ERC2: variants seen among roughly 807,000 people sequenced by gnomAD.
ERC2 encodes the protein ERC protein 2.
In ERC2, 42 loss-of-function variants were observed where a neutral mutation model predicts 114.8. The ratio of observed to expected loss-of-function variants is 0.37; its 90% CI spans 0.29 to 0.47. The LOEUF is 0.47. Ranked by LOEUF, ERC2 falls within the 20% of genes least tolerant of loss-of-function variation. The pLI is 0.99. For missense variants in ERC2, 939 were observed against 1,150.7 expected, an observed-to-expected ratio of 0.82 and a Z score of 2.66; for synonymous variants, 454 against 425.5, an observed-to-expected ratio of 1.07 and a Z score of -0.82.
chr3:56,061,429 A>G lies in ERC2; in HGVS notation c.1641+19388T>C, dbSNP rs931298073. 2.0e-5 allele frequency among the ~76,000 whole-genome samples: 3 copies of G among 152,200 alleles called. No individual in the cohort carries two copies. The South Asian group carries it at 6.2e-4, about 32-fold the overall frequency. On this transcript the variant is annotated intron_variant, in intron 7 of 17. Coordinates refer to ENST00000288221, the MANE Select transcript of ERC2 (RefSeq NM_015576.3). ...TGCTGACACTGCAATTGGGAGACTT[A>G]TCTAACCAAACTAGTTTGTCAGCTA...
intron 3 of ERC2, among the ~76,000 whole-genome samples, chr3:56,195,582 C>G (rs2048052324): frequency 6.6e-6 from 1 of 151,890 alleles, no homozygotes; most frequent in African/African-American, 2.4e-5. Flanking sequence ...GTAATCCCAG[C>G]ACTTTGGGGA....
intron 14 of ERC2, among the ~76,000 whole-genome samples, chr3:55,759,983 T>G (rs996853153): frequency 1.3e-5 from 2 of 152,162 alleles, no homozygotes; most frequent in Non-Finnish European, 2.9e-5. Flanking sequence ...CTATTGGGCT[T>G]AACCTTTTTT....
intron 5 of ERC2, among the ~76,000 whole-genome samples, chr3:56,145,024 A>G (rs1236014457): frequency 6.6e-6 from 1 of 152,210 alleles, no homozygotes; most frequent in Non-Finnish European, 1.5e-5. Context: ...GCTTTATATG[A>G]AGTCCATGTG....
intron 2 of ERC2, among the ~76,000 whole-genome samples, chr3:56,312,026 G>A (rs1331012437): frequency 6.6e-6 from 1 of 152,156 alleles, no homozygotes; most frequent in Non-Finnish European, 1.5e-5. Context: ...GTGTTAGGTA[G>A]TATAAGTAAT....
intron 11 of ERC2, among the ~76,000 whole-genome samples, chr3:55,990,358 C>T (rs2070967028): frequency 6.6e-6 from 1 of 152,038 alleles, no homozygotes; most frequent in Admixed American, 6.5e-5. Context: ...TTTGAATGTA[C>T]CAAATATTAT....
intron 13 of ERC2, among the ~76,000 whole-genome samples, chr3:55,942,576 C>T (rs2066881854): frequency 2.0e-5 from 3 of 151,844 alleles, no homozygotes; most frequent in Admixed American, 2.0e-4. Flanking sequence ...GGATTACAGG[C>T]GTGAGCCACC....
chr3:55,838,607 C>T (rs1342062279), intron 14 of ERC2, among the ~76,000 whole-genome samples: 1 of 151,746 alleles, frequency 6.6e-6, no homozygotes, highest in Non-Finnish European at 1.5e-5. Context: ...CAAGAAAGGT[C>T]TATCAATCAA....
At chr3:55,832,805 A>G (rs1025037490) in intron 14 of ERC2, among the ~76,000 whole-genome samples, 1 of 152,154 alleles carries the variant, frequency 6.6e-6, no homozygotes, top group African/African-American at 2.4e-5. Context: ...CGATCAAACT[A>G]CTCTGAGCTA....
intron 2 of ERC2, among the ~76,000 whole-genome samples, chr3:56,411,639 T>G (rs78404951): frequency 3.9e-4 from 60 of 152,224 alleles, no homozygotes; most frequent in African/African-American, 1.4e-3. Flanking sequence ...TTCTCAGCAC[T>G]CTATATACAG....
chr3:56,083,439 C>T (rs28660486), intron 6 of ERC2, among the ~76,000 whole-genome samples: 26,784 of 152,068 alleles, frequency 0.18, 2,493 homozygotes, highest in African/African-American at 0.23. Context: ...GGGTGTTTTT[C>T]TGTTCTCTAA....
rs182491071 is a variant in ERC2 at position 55,644,964 on chromosome 3, A to G, written c.*39+38830T>C. ...TATTGCTCACTACCCATAATTCAGC[A>G]TATCTATGCAGTGGTCATCTAGCGT... On this transcript the variant is annotated intron_variant, in intron 17 of 17. Transcript: ENST00000288221. Among the ~76,000 whole-genome samples the G allele has an allele frequency of 1.5e-3, 222 of 152,214 alleles. 1 individual carries two copies. Among genetic ancestry groups the G allele is most frequent in the African/African-American group, 5.2e-3 (214 of 41,536 alleles).
intron 10 of ERC2, among the ~76,000 whole-genome samples, chr3:56,005,186 G>A (rs946031380): frequency 6.6e-6 from 1 of 152,036 alleles, no homozygotes; most frequent in Non-Finnish European, 1.5e-5. Context: ...TATAAGCAAA[G>A]ATTATGTATA....
rs572791619 is a variant in ERC2 at position 55,863,528 on chromosome 3, G to A, written c.2564+24861C>T. On this transcript the variant is annotated intron_variant, in intron 14 of 17. Transcript: ENST00000288221. The stretch of plus-strand genomic sequence containing the variant: ...TCCTTCCTTTTTCAAGGAAACTGAA[G>A]CAGAGTTGGGCTCAGAAAATTCAAA... Among the ~76,000 whole-genome samples, 14 of 152,188 alleles carry A rather than the reference G, an allele frequency of 9.2e-5. No individual in the cohort carries two copies. The East Asian group carries it at 2.7e-3, about 29-fold the overall frequency.
chr3:56,338,869 T>G lies in ERC2; in HGVS notation c.658-42434A>C, dbSNP rs562807464. Among the ~76,000 whole-genome samples, 12 of 152,266 alleles carry G rather than the reference T, an allele frequency of 7.9e-5. No individual in the cohort carries two copies. The South Asian group carries it at 2.5e-3, about 32-fold the overall frequency. On this transcript the variant is annotated intron_variant, in intron 2 of 17. Transcript: ENST00000288221. ...CAGGAGGCCACTTTTACCAGCCATG[T>G]GGAGGAAGCATGTCTGCAAATGAAC...
chr3:55,602,743 G>A (rs2148533972), intron 17 of ERC2, among the ~76,000 whole-genome samples: 1 of 152,134 alleles, frequency 6.6e-6, no homozygotes, highest in East Asian at 1.9e-4. Context: ...GCCATCAGAT[G>A]TTCATTCACC....
intron 17 of ERC2, among the ~76,000 whole-genome samples, chr3:55,625,865 C>T (rs938188510): frequency 6.6e-6 from 1 of 152,186 alleles, no homozygotes; most frequent in Admixed American, 6.5e-5. Context: ...AAATACAGGG[C>T]GCATTATCCC....
chr3:56,108,345 T>C (rs897949061), intron 6 of ERC2, among the ~76,000 whole-genome samples: 14 of 152,178 alleles, frequency 9.2e-5, no homozygotes, highest in Admixed American at 7.2e-4. Flanking sequence ...TTGAAGTTTA[T>C]CGCAGAACAA....
intron 2 of ERC2, among the ~76,000 whole-genome samples, chr3:56,380,997 A>G (rs999190376): frequency 6.6e-6 from 1 of 152,208 alleles, no homozygotes; most frequent in Non-Finnish European, 1.5e-5. Context: ...ATTTGCGTCA[A>G]TGTCTTTGTT....
intron 13 of ERC2, among the ~76,000 whole-genome samples, chr3:55,916,722 C>CTGT: frequency 6.6e-6 from 1 of 152,120 alleles, no homozygotes; most frequent in Non-Finnish European, 1.5e-5. Context: ...GCTGCCTCTC[C>CTGT]AAGCCACACT....
Sources: allele counts gnomAD v4.1 joint callset (sites outside exome capture counted in the v4.1 genomes callset), GRCh38; gene constraint gnomAD v4.1.1; transcripts MANE v1.5; gene names NCBI Gene and HGNC (gene_info 2026-07-23, HGNC 2026-07-21).